IAH1: variants seen among roughly 807,000 people sequenced by gnomAD.
IAH1 encodes isoamyl acetate-hydrolyzing esterase 1 homolog.
IAH1 carries 24 observed loss-of-function variants against 26.7 expected under a neutral mutation model. That is an observed-to-expected ratio of 0.90 (90% CI 0.65 to 1.26). IAH1 has a LOEUF of 1.26. Ranked by LOEUF, IAH1 falls within the 50% of genes most tolerant of loss-of-function variation. IAH1 has a pLI of 0.00. For missense variants in IAH1, 300 were observed against 299.9 expected (o/e 1.00, Z 0.00); for synonymous variants, 140 against 118.5 (o/e 1.18, Z -1.18).
rs1397202515 is a variant in IAH1 at position 9,489,682 on chromosome 2, G to GA, written c.*1354dup. Reference sequence around the variant, plus strand: ...ACTAGAAATAGACCCACAATTTAGAGACAATGTATACTAGATTTATCTCCT... The same window carrying GA: ...ACTAGAAATAGACCCACAATTTAGAGAACAATGTATACTAGATTTATCTCCT... On this transcript the variant is annotated 3_prime_UTR_variant, in exon 6 of 6. Coordinates refer to ENST00000497473, the MANE Select transcript of IAH1 (RefSeq NM_001039613.3). 8.1e-6 allele frequency: 1 copy of GA among 123,540 alleles called. No homozygotes were observed. Among genetic ancestry groups the GA allele is most frequent in the Non-Finnish European group, 1.6e-5 (1 of 62,838 alleles). The allele number at this position is 123,540 out of a possible 1,614,324, so 7.7% of individuals were successfully genotyped here.
In IAH1 at chr2:9,488,408, C is replaced by T. The variant is rs1181127754; in HGVS notation, c.*79C>T. On this transcript the variant is annotated 3_prime_UTR_variant, in exon 6 of 6. Transcript: ENST00000497473. Reference sequence around the variant, plus strand: ...ATACGTAGAGGTACGCTTTTTTCCTCAGGCTTAAACCTTTGCCACTGATAT... The same window carrying T: ...ATACGTAGAGGTACGCTTTTTTCCTTAGGCTTAAACCTTTGCCACTGATAT... 14 of 1,160,174 alleles carry T rather than the reference C, an allele frequency of 1.2e-5. No homozygotes were observed. The highest frequency in any genetic ancestry group is 1.7e-5 in the Non-Finnish European group (14 of 827,160). The allele number at this position is 1,160,174 out of a possible 1,614,324, so 71.9% of individuals were successfully genotyped here.
At chr2:9,498,188 C>T (rs1440390456), downstream of IAH1, among the ~76,000 whole-genome samples, 1 of 151,242 alleles carries the variant, frequency 6.6e-6, no homozygotes, top group Non-Finnish European at 1.5e-5. Context: ...CGCCACCATA[C>T]CTGGCTAATT....
chr2:9,478,828 T>C (rs12469362), intron 3 of IAH1, among the ~76,000 whole-genome samples: 34,920 of 152,164 alleles, frequency 0.23, 4,770 homozygotes, highest in Middle Eastern at 0.32. Flanking sequence ...TGGTCTCTCC[T>C]TGACTGCTGA....
the IAH1 span, among the ~76,000 whole-genome samples, chr2:9,510,663 C>CAAA: frequency 1.2e-5 from 1 of 84,814 alleles, no homozygotes; most frequent in Non-Finnish European, 2.6e-5. Context: ...GACTTCGTCT[C>CAAA]AAAAAAAAAA....
chr2:9,481,997 ATGTT>A (rs1272856041), intron 4 of IAH1, among the ~76,000 whole-genome samples: 2 of 149,562 alleles, frequency 1.3e-5, no homozygotes, highest in Non-Finnish European at 3.0e-5. Flanking sequence ...GGTCAGCTGT[ATGTT>A]AATGTTGAAA....
At chr2:9,502,279 G>T in the IAH1 span, 1 of 1,607,516 alleles carries the variant, frequency 6.2e-7, no homozygotes, top group Non-Finnish European at 8.5e-7. Context: ...TCCTGTCACT[G>T]GAGAAGAACA....
chr2:9,488,640 TTTCACTCA>T lies in IAH1; in HGVS notation c.*313_*320del, dbSNP rs1404640873. On this transcript the variant is annotated 3_prime_UTR_variant, in exon 6 of 6. Coordinates refer to ENST00000497473, the MANE Select transcript of IAH1 (RefSeq NM_001039613.3). ...TTTTCTTACATTCTTTTGAGAACTG[TTTCACTCA>T]TACATACACCCACACACCCCACTCA... is the stretch of plus-strand genomic sequence containing the variant. 4 of 198,948 alleles carry T rather than the reference TTTCACTCA, an allele frequency of 2.0e-5. No individual in the cohort carries two copies. Among genetic ancestry groups the T allele is most frequent in the African/African-American group, 4.6e-5 (2 of 43,122 alleles). 12.3% of individuals were successfully genotyped at this position (198,948 alleles called of 1,614,324 possible). A position where few individuals can be genotyped will look rare whatever the true frequency, so the allele number is the denominator to read the frequency against.
At chr2:9,490,663 C>G, downstream of IAH1, 1 of 828,148 alleles carries the variant, frequency 1.2e-6, no homozygotes, top group Non-Finnish European at 1.8e-6. Flanking sequence ...CTCACTCAAC[C>G]TAAGTGACTA....
chr2:9,481,507 GAT>G (rs1359377054), intron 4 of IAH1, 60 bp downstream of exon 4: 4 of 1,553,780 alleles, frequency 2.6e-6, no homozygotes, highest in South Asian at 1.1e-5. Flanking sequence ...GAGGAACTCT[GAT>G]AGGACAGTGG....
At chr2:9,494,147 ACT>A (rs1481585256), downstream of IAH1, among the ~76,000 whole-genome samples, 1 of 152,090 alleles carries the variant, frequency 6.6e-6, no homozygotes, top group Non-Finnish European at 1.5e-5. Flanking sequence ...ACACAGCCAG[ACT>A]CCCTGTGAAG....
the IAH1 span, among the ~76,000 whole-genome samples, chr2:9,502,440 G>A: frequency 2.0e-5 from 3 of 152,132 alleles, no homozygotes; most frequent in Non-Finnish European, 4.4e-5. Flanking sequence ...AGAGCTACCT[G>A]CACACACTTT....
chr2:9,492,539 G>A (rs1426837067), downstream of IAH1, among the ~76,000 whole-genome samples: 3 of 152,140 alleles, frequency 2.0e-5, no homozygotes, highest in African/African-American at 4.8e-5. Flanking sequence ...CTGAAATGCC[G>A]ATGTTTGATA....
downstream of IAH1, chr2:9,493,612 G>C (rs1662332345): frequency 7.2e-6 from 5 of 697,212 alleles, no homozygotes; most frequent in Non-Finnish European, 9.4e-6. Flanking sequence ...CAACAAAGTT[G>C]TTTCATAACT....
downstream of IAH1, chr2:9,489,952 A>G (rs938144945): frequency 2.2e-6 from 1 of 459,892 alleles, no homozygotes; most frequent in South Asian, 5.6e-5. Context: ...TTTAAAAACT[A>G]AAACCTGAAA....
At position 9,474,616 on chromosome 2, in the gene IAH1, G is replaced by A. The variant is rs763645979; in HGVS notation, c.50G>A (p.Arg17His). The change falls in exon 1 of 6, where the codon CGC (arginine) becomes CAC (histidine). Residue 17 changes from arginine to histidine, a missense_variant. Physicochemically the swap from Arg to His is conservative, Grantham distance 29. Coordinates refer to ENST00000497473, the MANE Select transcript of IAH1 (RefSeq NM_001039613.3). This position sits in a 1 kb window ranked among gnomAD's most constrained non-coding sequence, Gnocchi z 4.3. Reference sequence around the variant, plus strand: ...TGCGGGAGTGCCCTGCTCTGGCCTCGCTTGTTGCTCTTCGGGGACTCCATC... The same window carrying A: ...TGCGGGAGTGCCCTGCTCTGGCCTCACTTGTTGCTCTTCGGGGACTCCATC... ...AGCGSALLWP[R>H]LLLFGDSITQ... is the part of the protein sequence containing the mutation. 91 of 1,554,702 alleles carry A rather than the reference G, an allele frequency of 5.9e-5. No individual in the cohort carries two copies. The highest frequency in any genetic ancestry group is 6.1e-5 in the Non-Finnish European group (71 of 1,154,782).
chr2:9,489,834 C>T, downstream of IAH1: 1 of 171,376 alleles, frequency 5.8e-6, no homozygotes, highest in Non-Finnish European at 1.3e-5. Context: ...CTGATCATTT[C>T]CCTAGTCAGT....
At position 9,474,855 on chromosome 2, in the gene IAH1, C is replaced by A; in HGVS notation, c.81+208C>A. The A allele has an allele frequency of 1.9e-6, 1 of 518,634 alleles. No homozygotes were observed. The highest frequency in any genetic ancestry group is 3.0e-6 in the Non-Finnish European group (1 of 338,014). 32.1% of individuals were successfully genotyped at this position (518,634 alleles called of 1,614,324 possible). ...GCGTCCCGGAGGTCACGACGGCGTC[C>A]GCGAGAGCCCGGGCTCCAGGCACAG... On this transcript the variant is annotated intron_variant, in intron 1 of 5. Coordinates refer to ENST00000497473, the MANE Select transcript of IAH1 (RefSeq NM_001039613.3). This position sits in a 1 kb window ranked among gnomAD's most constrained non-coding sequence, Gnocchi z 4.3.
At chr2:9,504,763 GAAAA>G in the IAH1 span, among the ~76,000 whole-genome samples, 5 of 117,794 alleles carry the variant, frequency 4.2e-5, no homozygotes, top group Admixed American at 8.9e-5. Context: ...TCTGTCTCAG[GAAAA>G]AAAAAAAAAA....
the IAH1 span, chr2:9,509,867 C>A: frequency 2.2e-6 from 3 of 1,371,732 alleles, no homozygotes; most frequent in Non-Finnish European, 3.0e-6. Flanking sequence ...GTAATTTGCA[C>A]ATCCATCCCT....
Sources: allele counts gnomAD v4.1 joint callset (sites outside exome capture counted in the v4.1 genomes callset), GRCh38; gene constraint gnomAD v4.1.1; non-coding constraint Gnocchi (gnomAD v3.1); transcripts MANE v1.5; gene names NCBI Gene and HGNC (gene_info 2026-07-23, HGNC 2026-07-21).